The following XRN1 variants were observed in gnomAD, a reference collection of about 807,000 sequenced individuals.
XRN1 encodes 5'-3' exoribonuclease 1, also known as strand-exchange protein 1 homolog.
In XRN1, 67 loss-of-function variants were observed where a neutral mutation model predicts 222.3. That is an observed-to-expected ratio of 0.30 (90% CI 0.25 to 0.37). The LOEUF is 0.37. XRN1 is among the 10% of genes least tolerant of loss of function. The pLI, the probability that XRN1 is intolerant of heterozygous loss-of-function variation, is 1.00. For missense variants in XRN1, 1,707 were observed against 2,000.2 expected (o/e 0.85, Z 2.80); for synonymous variants, 643 against 652.4 (o/e 0.99, Z 0.22).
chr3:142,335,605 A>T (rs2065831310), intron 33 of XRN1, 96 bp from the exon 34 acceptor site: 1 of 1,112,642 alleles, frequency 9.0e-7, no homozygotes, highest in Admixed American at 2.2e-5. Context: ...TGTGTTAAAA[A>T]TTCAGAGAAT....
chr3:142,422,585 C>G lies in XRN1; in HGVS notation c.964G>C (p.Gly322Arg), dbSNP rs574627482. The G allele has an allele frequency of 3.7e-6, 6 of 1,612,730 alleles. No individual in the cohort carries two copies. Among genetic ancestry groups the G allele is most frequent in the African/African-American group, 1.3e-5 (1 of 74,936 alleles). Residue 322 changes from glycine to arginine, a missense_variant, in exon 8 of 41, where the codon GGG becomes CGG. By Grantham distance (125) the Gly-to-Arg change is moderately radical. This residue lies in a region of XRN1 where 1,234 missense variants were observed against 1,518.2 expected (regional missense o/e 0.81). Transcript: ENST00000392981. ...GTYVTILPEL[G>R]GYINESGHLN... is the part of the protein sequence containing the mutation. ...GAGATTATTAAATTCTTCTTACCCC[C>G]AAGTTCTGGCAGGATGGTAACATAT...
chr3:142,399,412 C>A (rs1480049788), intron 19 of XRN1, among the ~76,000 whole-genome samples: 1 of 152,068 alleles, frequency 6.6e-6, no homozygotes, highest in Non-Finnish European at 1.5e-5. Context: ...GAAAGTAGAT[C>A]TGCCCCTTAT....
At chr3:142,428,032 C>T (rs888053531) in intron 2 of XRN1, among the ~76,000 whole-genome samples, 4 of 152,114 alleles carry the variant, frequency 2.6e-5, no homozygotes, top group Non-Finnish European at 5.9e-5. Context: ...TCTTCCCTTC[C>T]TTCTTTGGCT....
At chr3:142,351,990 T>C (rs903672004) in intron 32 of XRN1, among the ~76,000 whole-genome samples, 5 of 151,830 alleles carry the variant, frequency 3.3e-5, no homozygotes, top group Admixed American at 3.3e-4. Flanking sequence ...TCCTCAGGCA[T>C]ATAATCTAAA....
intron 20 of XRN1, among the ~76,000 whole-genome samples, chr3:142,388,372 C>T (rs2067588222): frequency 6.6e-6 from 1 of 152,182 alleles, no homozygotes; most frequent in Admixed American, 6.5e-5. Context: ...TTATCAACTA[C>T]TTATGTTATC....
intron 33 of XRN1, among the ~76,000 whole-genome samples, chr3:142,343,899 G>T (rs745772887): frequency 6.6e-6 from 1 of 151,900 alleles, no homozygotes; most frequent in African/African-American, 2.4e-5. Flanking sequence ...AGTACTATTC[G>T]GCCATAAAAA....
Position 142,423,589 on chromosome 3 carries a change from TTCTTC to T in XRN1, c.676_680del (p.Glu226SerfsTer32). On this transcript the variant is annotated frameshift_variant, in exon 6 of 41. Transcript: ENST00000392981. LOFTEE classifies it high-confidence loss of function. ...GTGTTTTTTTGCCACCAAATCGAACTTCTTCTCTTAAGAGAGAAAAATGTGCCTCA... is the reference window on the plus strand; with the variant it reads ...GTGTTTTTTTGCCACCAAATCGAACTTCTTAAGAGAGAAAAATGTGCCTCA... 2.5e-6 allele frequency: 4 copies of T among 1,602,180 alleles called. No homozygotes were observed. The highest frequency in any genetic ancestry group is 3.4e-6 in the Non-Finnish European group (4 of 1,175,744).
intron 20 of XRN1, among the ~76,000 whole-genome samples, chr3:142,389,740 G>T (rs1423724425): frequency 1.3e-5 from 2 of 152,102 alleles, no homozygotes; most frequent in East Asian, 3.9e-4. Flanking sequence ...GGCTGGCCTC[G>T]AACTACTGAC....
intron 34 of XRN1, 83 bp from the exon 35 acceptor site, chr3:142,333,172 G>T: frequency 7.0e-7 from 1 of 1,437,478 alleles, no homozygotes; most frequent in East Asian, 2.5e-5. Context: ...TACAAAAATG[G>T]TCATTCGATT....
At chr3:142,347,117 T>C in intron 33 of XRN1, 117 bp downstream of exon 33, 2 of 759,692 alleles carry the variant, frequency 2.6e-6, no homozygotes, top group Non-Finnish European at 4.2e-6. Context: ...AAACCACTTA[T>C]CGTATACTTT....
chr3:142,409,202 GA>G (rs2068466373), intron 15 of XRN1, among the ~76,000 whole-genome samples: 1 of 151,972 alleles, frequency 6.6e-6, no homozygotes, highest in Non-Finnish European at 1.5e-5. Flanking sequence ...TGATTTTGGT[GA>G]AATCTATTTT....
chr3:142,415,482 T>A (rs1234940418), intron 13 of XRN1, among the ~76,000 whole-genome samples: 1 of 152,236 alleles, frequency 6.6e-6, no homozygotes, highest in Non-Finnish European at 1.5e-5. Context: ...CCTCAATTTC[T>A]TCATCTGTAA....
intron 35 of XRN1, chr3:142,332,737 T>C (rs897167075): frequency 3.2e-5 from 24 of 755,326 alleles, no homozygotes; most frequent in Non-Finnish European, 4.7e-5. Context: ...CCTGCTTAAC[T>C]TTCATCCCAG....
At chr3:142,437,290 T>C (rs1274900591) in intron 1 of XRN1, among the ~76,000 whole-genome samples, 1 of 152,238 alleles carries the variant, frequency 6.6e-6, no homozygotes, top group African/African-American at 2.4e-5. Flanking sequence ...AAAATGTTTC[T>C]AGAATCTTAC....
rs755936210 is a variant in XRN1 at position 142,418,866 on chromosome 3, G to A, written c.1189C>T (p.Leu397=). ...TTTTTGTCTAAAGCAGTCCAACACA[G>A]AGAATTTTCCTGGCCCTGTAAATTG... ...KKKLKGQENS[L]CWTALDKNEG... The change falls in exon 11 of 41, where the codon CTG becomes TTG. Residue 397 remains leucine (L), a synonymous_variant. Transcript: ENST00000392981. 6 of 1,613,930 alleles carry A rather than the reference G, an allele frequency of 3.7e-6. No individual in the cohort carries two copies. The highest frequency in any genetic ancestry group is 5.1e-6 in the Non-Finnish European group (6 of 1,179,900).
At chr3:142,394,590 C>A (rs940782822) in intron 20 of XRN1, among the ~76,000 whole-genome samples, 2 of 152,212 alleles carry the variant, frequency 1.3e-5, no homozygotes, top group Admixed American at 1.3e-4. Flanking sequence ...GAGAGCTCCT[C>A]AGCTTTCCCC....
intron 25 of XRN1, among the ~76,000 whole-genome samples, chr3:142,372,792 T>C (rs761988839): frequency 1.3e-5 from 2 of 152,202 alleles, no homozygotes; most frequent in Admixed American, 1.3e-4. Context: ...ACTTCCAGAA[T>C]ACTGGCAATC....
intron 37 of XRN1, among the ~76,000 whole-genome samples, chr3:142,322,409 G>A (rs1560285636): frequency 1.3e-5 from 2 of 152,126 alleles, no homozygotes; most frequent in African/African-American, 2.4e-5. Context: ...GATGATGGTC[G>A]GGCGCAGTGG....
At chr3:142,345,120 G>T (rs1313405958) in intron 33 of XRN1, among the ~76,000 whole-genome samples, 2 of 152,144 alleles carry the variant, frequency 1.3e-5, no homozygotes, top group Non-Finnish European at 2.9e-5. Context: ...TCTTAAAAAT[G>T]AGATGGTGTC....
Sources: gnomAD v4.1 joint callset for allele counts (sites outside exome capture counted in the v4.1 genomes callset) on GRCh38, gnomAD v4.1.1 for gene constraint, gnomAD v4.1.1 regional missense constraint, MANE v1.5 for transcripts, NCBI Gene and HGNC (gene_info 2026-07-23, HGNC 2026-07-21) for gene names.